The following SYNE1 variants were observed in gnomAD, a reference collection of about 807,000 sequenced individuals.
SYNE1 encodes the protein nesprin-1.
In SYNE1, 616 loss-of-function variants were observed where a neutral mutation model predicts 1,111.0. The ratio of observed to expected loss-of-function variants is 0.55; its 90% confidence interval spans 0.52 to 0.59. The LOEUF (loss-of-function observed/expected upper bound fraction) is 0.59, where lower values mean the gene tolerates loss of function less well. SYNE1 is among the 20% of genes least tolerant of loss of function. The probability of loss-of-function intolerance (pLI) is 0.00; values close to 1 mark genes in which losing one functional copy is unlikely to be tolerated. For synonymous variants in SYNE1, 3,855 were observed against 3,825.8 expected (o/e 1.01, Z -0.28); for missense variants, 10,006 against 10,417.0 (o/e 0.96, Z 1.72).
At chr6:152,522,647 G>C (rs1304704853) in intron 5 of SYNE1, among the ~76,000 whole-genome samples, 1 of 152,052 alleles carries the variant, frequency 6.6e-6, no homozygotes, top group Non-Finnish European at 1.5e-5. Context: ...TTCCATAAAG[G>C]TTGTATTAAT....
intron 106 of SYNE1, among the ~76,000 whole-genome samples, chr6:152,244,335 A>C (rs1243444093): frequency 6.6e-6 from 1 of 152,302 alleles, no homozygotes; most frequent in South Asian, 2.1e-4. Context: ...AAACATATGA[A>C]TCTTAGCAGC....
rs370763773 is a variant in SYNE1 at position 152,505,369 on chromosome 6, C to T, written c.610G>A (p.Gly204Arg). ...GCAACCCCGCTTCTCCAACTCTTCC[C>T]AAAATCTTTTACTTCTATTCCAGTC... The part of the protein sequence containing the change: ...KQTGIEVKDF[G>R]KSWRSGVAFH... Residue 204 changes from glycine (G) to arginine (R), a missense_variant, in exon 9 of 146, where the codon GGG (glycine) becomes AGG (arginine). Physicochemically the swap from Gly to Arg is moderately radical, Grantham distance 125. Coordinates refer to ENST00000367255, the MANE Select transcript of SYNE1 (RefSeq NM_182961.4). 2.5e-6 allele frequency: 4 copies of T among 1,613,848 alleles called. No homozygotes were observed. The African/African-American group carries it at 5.3e-5, about 22-fold the overall frequency.
At chr6:152,360,396 C>A (rs955061230) in intron 64 of SYNE1, among the ~76,000 whole-genome samples, 5 of 152,168 alleles carry the variant, frequency 3.3e-5, no homozygotes, top group African/African-American at 1.2e-4. Context: ...TTCCTCAACT[C>A]CTCCCCAGGC....
At chr6:152,393,001 G>T (rs2097670131) in intron 51 of SYNE1, among the ~76,000 whole-genome samples, 1 of 152,182 alleles carries the variant, frequency 6.6e-6, no homozygotes, top group South Asian at 2.1e-4. Context: ...TGGCCCCGTG[G>T]AGAACCTGAA....
At chr6:152,633,241 C>CA (rs1565321835) in intron 2 of SYNE1, among the ~76,000 whole-genome samples, 1 of 152,164 alleles carries the variant, frequency 6.6e-6, no homozygotes, top group Non-Finnish European at 1.5e-5. Flanking sequence ...GGCTGTATAC[C>CA]AATAAATAGT....
chr6:152,441,182 A>G lies in SYNE1; in HGVS notation c.4097T>C (p.Phe1366Ser). The change falls in exon 32 of 146, where the codon TTC becomes TCC. Residue 1366 changes from phenylalanine to serine, a missense_variant. Physicochemically the swap from Phe to Ser is radical, Grantham distance 155 (BLOSUM62 -2). Coordinates refer to ENST00000367255, the MANE Select transcript of SYNE1 (RefSeq NM_182961.4). ...ACTTTCCAAACTGCTAAAACTCAAGAAGCGTTCATGACTGGAACCTGTTTG... is the reference window on the plus strand; with the variant it reads ...ACTTTCCAAACTGCTAAAACTCAAGGAGCGTTCATGACTGGAACCTGTTTG... ...LFQTGSSHERFLSFSSLESLS... is the reference protein window; with the variant it reads ...LFQTGSSHERSLSFSSLESLS... The G allele has an allele frequency of 1.2e-6, 2 of 1,613,728 alleles. No homozygotes were observed. The highest frequency in any genetic ancestry group is 1.7e-6 in the Non-Finnish European group (2 of 1,179,804).
chr6:152,373,202 A>G lies in SYNE1; in HGVS notation c.9342T>C (p.Ser3114=). 4.3e-6 allele frequency: 7 copies of G among 1,611,962 alleles called. No homozygotes were observed. The highest frequency in any genetic ancestry group is 5.9e-6 in the Non-Finnish European group (7 of 1,179,736). Residue 3114 remains serine, a synonymous_variant, in exon 59 of 146, where the codon AGT becomes AGC. Coordinates refer to ENST00000367255, the MANE Select transcript of SYNE1 (RefSeq NM_182961.4). ...LQKIQEFLSE[S]ENGQHKLNMM... is the part of the protein sequence containing the mutation. ...TGTTTAGCTTGTGCTGTCCATTTTC[A>G]CTTTCTGACAAAAACTCCTATAAAA...
Position 152,510,369 on chromosome 6 carries a change from A to G in SYNE1, c.405T>C (p.Ile135=), listed in dbSNP as rs769530959. The G allele has an allele frequency of 6.2e-7, 1 of 1,613,806 alleles. No individual in the cohort carries two copies. Among genetic ancestry groups the G allele is most frequent in the South Asian group, 1.1e-5 (1 of 91,070 alleles). ...LMWTIILYFQ[I]EELTSNLPQL... ...GGGGCAGGTTGCTGGTCAACTCTTCAATCTGTTTGTGAGTTAACAGCCAGC... is the reference window on the plus strand; with the variant it reads ...GGGGCAGGTTGCTGGTCAACTCTTCGATCTGTTTGTGAGTTAACAGCCAGC... Residue 135 remains isoleucine (I), a splice_region_variant and synonymous_variant, in exon 8 of 146, where the codon ATT becomes ATC. Transcript: ENST00000367255.
rs768153188 is a variant in SYNE1, at chr6:152,458,878, G to T, written c.2447C>A (p.Pro816Gln). 3.7e-6 allele frequency: 6 copies of T among 1,613,874 alleles called. No individual in the cohort carries two copies. The highest frequency in any genetic ancestry group is 1.1e-5 in the South Asian group (1 of 91,062). ...LLYESQQLLIPLEELEKQMTS... is the reference protein window; with the variant it reads ...LLYESQQLLIQLEELEKQMTS... ...CATCTGCTTTTCTAATTCCTCCAAC[G>T]GAATCAACAGCTGCTGAGACTCATA... Residue 816 changes from proline to glutamine, a missense_variant, in exon 22 of 146, where the codon CCG becomes CAG. Physicochemically the swap from Pro to Gln is moderately conservative, Grantham distance 76. Transcript: ENST00000367255.
At chr6:152,444,000 G>A (rs762324508) in intron 30 of SYNE1, among the ~76,000 whole-genome samples, 14 of 152,188 alleles carry the variant, frequency 9.2e-5, no homozygotes, top group South Asian at 2.1e-4. Flanking sequence ...TGTGTTCAGC[G>A]TTGTAAGTTG....
At chr6:152,428,444 T>A in intron 36 of SYNE1, 52 bp from the exon 37 acceptor site, 4 of 1,598,962 alleles carry the variant, frequency 2.5e-6, no homozygotes, top group Non-Finnish European at 3.4e-6. Context: ...CAACGAGGCC[T>A]GCATTTTTCT....
chr6:152,357,394 G>A (rs1273771589), intron 66 of SYNE1, among the ~76,000 whole-genome samples: 1 of 152,176 alleles, frequency 6.6e-6, no homozygotes, highest in African/African-American at 2.4e-5. Context: ...CCTTGTTCAA[G>A]CTGTAGGTAA....
At chr6:152,280,974 T>C (rs1466179012) in intron 97 of SYNE1, among the ~76,000 whole-genome samples, 1 of 152,090 alleles carries the variant, frequency 6.6e-6, no homozygotes, top group Non-Finnish European at 1.5e-5. Flanking sequence ...AAAGTTAGTG[T>C]GCACTAAGTA....
At chr6:152,453,074 A>T (rs961045568) in intron 25 of SYNE1, among the ~76,000 whole-genome samples, 28 of 152,202 alleles carry the variant, frequency 1.8e-4, no homozygotes, top group Non-Finnish European at 1.5e-5. Flanking sequence ...GCAACTAATT[A>T]TCTCCTTTAC....
At chr6:152,512,907 C>G (rs916134370) in intron 6 of SYNE1, among the ~76,000 whole-genome samples, 2 of 152,056 alleles carry the variant, frequency 1.3e-5, no homozygotes, top group Admixed American at 6.6e-5. Context: ...TTTCCAGAAG[C>G]CAGAAGGAAG....
intron 53 of SYNE1, among the ~76,000 whole-genome samples, chr6:152,389,303 T>C (rs140735359): frequency 2.6e-5 from 4 of 152,174 alleles, no homozygotes; most frequent in Non-Finnish European, 2.9e-5. Context: ...TCATTGCCCA[T>C]GTACTAAGCC....
intron 33 of SYNE1, chr6:152,435,662 A>T: frequency 2.1e-6 from 1 of 480,048 alleles, no homozygotes; most frequent in Non-Finnish European, 3.6e-6. Context: ...TCCCTCTACA[A>T]TGTACAAAGG....
chr6:152,364,377 C>G (rs1287038124), intron 63 of SYNE1, among the ~76,000 whole-genome samples: 4 of 151,970 alleles, frequency 2.6e-5, no homozygotes, highest in Non-Finnish European at 5.9e-5. Flanking sequence ...CTTTCCCACT[C>G]CTCTATTTGT....
intron 60 of SYNE1, 83 bp downstream of exon 60, chr6:152,369,388 G>T: frequency 6.3e-7 from 1 of 1,591,416 alleles, no homozygotes; most frequent in Non-Finnish European, 8.6e-7. Flanking sequence ...CTAACTCAAG[G>T]GTGCTGAGCA....
Sources: allele counts gnomAD v4.1 joint callset (sites outside exome capture counted in the v4.1 genomes callset), GRCh38; gene constraint gnomAD v4.1.1; transcripts MANE v1.5; gene names NCBI Gene and HGNC (gene_info 2026-07-23, HGNC 2026-07-21).